The following RNF217 variants were observed in gnomAD, a reference collection of about 807,000 sequenced individuals.
The protein encoded by RNF217 is ring finger protein 217, also known as E3 ubiquitin-protein ligase RNF217.
In RNF217, 31 loss-of-function variants were observed where a neutral mutation model predicts 57.8. The ratio of observed to expected loss-of-function variants is 0.54; its 90% CI spans 0.40 to 0.72. The LOEUF is 0.72. Ranked by LOEUF, RNF217 falls within the 30% of genes least tolerant of loss-of-function variation. RNF217 has a pLI of 0.00. For missense variants in RNF217, 696 were observed against 708.3 expected (o/e 0.98, Z 0.20); for synonymous variants, 313 against 294.0 (o/e 1.06, Z -0.66).
At chr6:125,065,071 C>T (rs1046311161) in intron 3 of RNF217, among the ~76,000 whole-genome samples, 2 of 151,488 alleles carry the variant, frequency 1.3e-5, no homozygotes, top group Non-Finnish European at 2.9e-5. Context: ...GTCAGGAGAT[C>T]GAGATCATCC....
chr6:125,067,372 T>C (rs1393087372), intron 3 of RNF217, among the ~76,000 whole-genome samples: 1 of 152,180 alleles, frequency 6.6e-6, no homozygotes, highest in Non-Finnish European at 1.5e-5. Flanking sequence ...GGTTGGCTGC[T>C]TGTTGATTTT....
intron 1 of RNF217, among the ~76,000 whole-genome samples, chr6:124,981,614 C>G (rs975751370): frequency 1.3e-5 from 2 of 152,138 alleles, no homozygotes; most frequent in Admixed American, 1.3e-4. Context: ...AGAAAGCAAT[C>G]AGATATGCAT....
At chr6:124,984,558 A>AG (rs572342478) in intron 1 of RNF217, among the ~76,000 whole-genome samples, 36,286 of 150,676 alleles carry the variant, frequency 0.24, 4,851 homozygotes, top group East Asian at 0.4. Context: ...AAAAAAAAAA[A>AG]AAAGAAAGAA....
At chr6:124,975,516 T>TAACTCCCAGGCTTAAGCAATCCTCC (rs1269827215) in intron 1 of RNF217, among the ~76,000 whole-genome samples, 1 of 152,164 alleles carries the variant, frequency 6.6e-6, no homozygotes, top group Non-Finnish European at 1.5e-5. Flanking sequence ...CTGCAGCCTC[T>TAACTCCCAGGCTTAAGCAATCCTCC]AACTCCCAGG....
At chr6:125,052,316 G>GTGTT (rs1562486954) in intron 2 of RNF217, among the ~76,000 whole-genome samples, 1 of 145,808 alleles carries the variant, frequency 6.9e-6, no homozygotes, top group East Asian at 1.9e-4. Context: ...GTGTGTGTGT[G>GTGTT]TGTGGTTTTA....
intron 1 of RNF217, among the ~76,000 whole-genome samples, chr6:125,031,080 A>G (rs1786335711): frequency 6.6e-6 from 1 of 152,198 alleles, no homozygotes; most frequent in Non-Finnish European, 1.5e-5. Context: ...CCACCCTCTG[A>G]AGCCACAGCC....
In RNF217 at chr6:125,083,098, C is replaced by A; in HGVS notation, c.*161C>A. 1.9e-6 allele frequency: 1 copy of A among 531,402 alleles called. No individual in the cohort carries two copies. Among genetic ancestry groups the A allele is most frequent in the African/African-American group, 2.0e-5 (1 of 50,300 alleles). The allele number at this position is 531,402 out of a possible 1,614,324, so 32.9% of individuals were successfully genotyped here. ...CCACAATGCCTCTAGCTATGGTGCA[C>A]TCCCAACATGGTATCCTGTCCTTTC... On this transcript the variant is annotated 3_prime_UTR_variant, in exon 6 of 6. Transcript: ENST00000521654.
rs990631779 is a variant in RNF217 at position 125,088,991 on chromosome 6, G to A, written c.*6054G>A. The A allele has an allele frequency of 1.1e-4, 16 of 152,306 alleles. No individual in the cohort carries two copies. The highest frequency in any genetic ancestry group is 3.1e-4 in the African/African-American group (13 of 41,338). 9.4% of individuals were successfully genotyped at this position (152,306 alleles called of 1,614,324 possible). A position where few individuals can be genotyped will look rare whatever the true frequency, so the allele number is the denominator to read the frequency against. The stretch of plus-strand genomic sequence containing the variant: ...CCAAGTGTGGGATAAATTCTGTCTC[G>A]CCCGTAACTCCTTTCACTGTAATGA... On this transcript the variant is annotated 3_prime_UTR_variant, in exon 6 of 6. Transcript: ENST00000521654.
chr6:125,058,639 C>T (rs991010158), intron 3 of RNF217, among the ~76,000 whole-genome samples: 2 of 152,142 alleles, frequency 1.3e-5, no homozygotes, highest in Non-Finnish European at 2.9e-5. Flanking sequence ...TCCCACTTTT[C>T]ATCTTTCTTT....
chr6:125,023,227 G>A (rs138004047), intron 1 of RNF217, among the ~76,000 whole-genome samples: 28 of 152,256 alleles, frequency 1.8e-4, no homozygotes, highest in African/African-American at 6.5e-4. Flanking sequence ...TATGTGTAAA[G>A]TATGTCCTGG....
chr6:124,973,763 A>C (rs1434792425), intron 1 of RNF217, among the ~76,000 whole-genome samples: 2 of 152,126 alleles, frequency 1.3e-5, no homozygotes, highest in East Asian at 3.9e-4. Context: ...CTTTAATTAC[A>C]ATACCTGTTC....
At chr6:125,058,215 A>G (rs1238097715) in intron 3 of RNF217, 109 bp downstream of exon 3, 3 of 900,638 alleles carry the variant, frequency 3.3e-6, no homozygotes, top group Non-Finnish European at 4.6e-6. Flanking sequence ...GGTATGTGGA[A>G]AAAGAGTATT....
Position 124,962,850 on chromosome 6 carries a change from A to C in RNF217, c.306A>C (p.Pro102=), listed in dbSNP as rs1467447852. The C allele has an allele frequency of 6.3e-7, 1 of 1,597,840 alleles. No homozygotes were observed. Residue 102 remains proline (P), a synonymous_variant, in exon 1 of 6, where the codon CCA becomes CCC. Coordinates refer to ENST00000521654, the MANE Select transcript of RNF217 (RefSeq NM_001286398.3). The surrounding 1 kb of genome is among the most constrained non-coding windows in gnomAD (Gnocchi z 4.6). ...GGCCTCTCAATCCCCAGACCTTGCCACTGCAGTTGGAGCTGGAGGAGGAAG... is the reference window on the plus strand; with the variant it reads ...GGCCTCTCAATCCCCAGACCTTGCCCCTGCAGTTGGAGCTGGAGGAGGAAG... The part of the protein sequence containing the change: ...LTGPLNPQTL[P]LQLELEEEEE...
At chr6:125,065,894 A>T (rs142117085) in intron 3 of RNF217, among the ~76,000 whole-genome samples, 1 of 152,188 alleles carries the variant, frequency 6.6e-6, no homozygotes, top group Non-Finnish European at 1.5e-5. Flanking sequence ...TAGCTACTCA[A>T]CATCTTCAAC....
At chr6:125,008,240 A>T (rs548434631) in intron 1 of RNF217, among the ~76,000 whole-genome samples, 4 of 151,324 alleles carry the variant, frequency 2.6e-5, no homozygotes, top group African/African-American at 9.8e-5. Context: ...TGGGTGACAG[A>T]ATAAGACTCT....
At chr6:125,068,562 C>T (rs1788022801) in intron 3 of RNF217, among the ~76,000 whole-genome samples, 1 of 152,138 alleles carries the variant, frequency 6.6e-6, no homozygotes, top group South Asian at 2.1e-4. Flanking sequence ...TCCTTAAGGG[C>T]AGGAGCCATG....
rs1788628702 is a variant in RNF217, at chr6:125,082,898, A to G, written c.1590A>G (p.Lys530=). 1.2e-6 allele frequency: 2 copies of G among 1,603,294 alleles called. No individual in the cohort carries two copies. Among genetic ancestry groups the G allele is most frequent in the African/African-American group, 1.4e-5 (1 of 73,964 alleles). Residue 530 remains lysine, a synonymous_variant, in exon 6 of 6, where the codon AAA becomes AAG. Coordinates refer to ENST00000521654, the MANE Select transcript of RNF217 (RefSeq NM_001286398.3). ...TATTTCCTATCTATTGCCTTTGTAA[A>G]AAACAGAGAAAACGATCACGGACAG... ...LFVFPIYCLC[K]KQRKRSRTGM...
rs996534083 is a variant in RNF217, at chr6:125,091,019, G to A, written c.*8082G>A. 6 of 152,088 alleles carry A rather than the reference G, an allele frequency of 3.9e-5. No individual in the cohort carries two copies. The highest frequency in any genetic ancestry group is 7.2e-5 in the African/African-American group (3 of 41,560). The allele number at this position is 152,088 out of a possible 1,614,324, so 9.4% of individuals were successfully genotyped here. A position where few individuals can be genotyped will look rare whatever the true frequency, so the allele number is the denominator to read the frequency against. On this transcript the variant is annotated 3_prime_UTR_variant, in exon 6 of 6. Transcript: ENST00000521654. ...TGCAAAGGAAAAATTACGTTGAGATGAAATGTTGAGAAATAAGGAGTATCT... is the reference window on the plus strand; with the variant it reads ...TGCAAAGGAAAAATTACGTTGAGATAAAATGTTGAGAAATAAGGAGTATCT...
chr6:125,025,801 A>C (rs891511123), intron 1 of RNF217, among the ~76,000 whole-genome samples: 1 of 151,938 alleles, frequency 6.6e-6, no homozygotes, highest in Admixed American at 6.6e-5. Flanking sequence ...AGGAAGGGAT[A>C]TTTACAAATG....
Sources: allele counts gnomAD v4.1 joint callset (sites outside exome capture counted in the v4.1 genomes callset), GRCh38; gene constraint gnomAD v4.1.1; non-coding constraint Gnocchi (gnomAD v3.1); transcripts MANE v1.5; gene names NCBI Gene and HGNC (gene_info 2026-07-23, HGNC 2026-07-21).